Variants in FILIP1 observed in about 807,000 individuals in gnomAD.
The protein encoded by FILIP1 is filamin A interacting protein 1.
Under a neutral mutation model 102.1 loss-of-function variants are expected in FILIP1, and 61 were observed. The ratio of observed to expected loss-of-function variants is 0.60; its 90% CI spans 0.49 to 0.74. FILIP1 has a LOEUF of 0.74. FILIP1 is among the 30% of genes least tolerant of loss of function. The probability of loss-of-function intolerance (pLI) is 0.00; values close to 1 mark genes in which losing one functional copy is unlikely to be tolerated. For synonymous variants in FILIP1, 491 were observed against 526.9 expected (o/e 0.93, Z 0.93); for missense variants, 1,314 against 1,441.2 (o/e 0.91, Z 1.43).
intron 1 of FILIP1, among the ~76,000 whole-genome samples, chr6:75,437,928 G>A (rs1778080099): frequency 6.6e-6 from 1 of 152,162 alleles, no homozygotes; most frequent in Non-Finnish European, 1.5e-5. Context: ...TACGTTATAA[G>A]ATTTCATGAA....
intron 4 of FILIP1, among the ~76,000 whole-genome samples, chr6:75,323,076 A>C (rs1022120456): frequency 6.6e-6 from 1 of 152,238 alleles, no homozygotes; most frequent in African/African-American, 2.4e-5. Context: ...AGACTTTAAA[A>C]GTGTGGGCCC....
intron 1 of FILIP1, among the ~76,000 whole-genome samples, chr6:75,480,085 AT>A (rs552346724): frequency 9.2e-5 from 14 of 151,352 alleles, no homozygotes; most frequent in African/African-American, 2.9e-4. Flanking sequence ...TATGTTTTAA[AT>A]TTTTTTTGTT....
At chr6:75,367,760 A>C (rs929141569) in intron 2 of FILIP1, 2 of 152,222 alleles carry the variant, frequency 1.3e-5, no homozygotes, top group Non-Finnish European at 2.9e-5. Context: ...TTTCAAACAA[A>C]TGATTCAATA....
rs779900343 is a variant in FILIP1 at position 75,308,672 on chromosome 6, A to AC, written c.*18dup. Reference sequence around the variant, plus strand: ...GGCAGCAGTAGCATCTGCACAACATACCCCCTTAGCCACTGCCCTCAGCCC... The same window carrying AC: ...GGCAGCAGTAGCATCTGCACAACATACCCCCCTTAGCCACTGCCCTCAGCCC... On this transcript the variant is annotated 3_prime_UTR_variant, in exon 6 of 6. Coordinates refer to ENST00000237172, the MANE Select transcript of FILIP1 (RefSeq NM_015687.5). The AC allele has an allele frequency of 7.4e-6, 12 of 1,611,758 alleles. No individual in the cohort carries two copies. Among genetic ancestry groups the AC allele is most frequent in the East Asian group, 2.2e-5 (1 of 44,878 alleles).
chr6:75,477,337 A>G (rs1779506404), intron 1 of FILIP1, among the ~76,000 whole-genome samples: 1 of 152,140 alleles, frequency 6.6e-6, no homozygotes, highest in Non-Finnish European at 1.5e-5. Context: ...GTAGACAGGA[A>G]GAATAAGTTT....
chr6:75,451,825 C>T (rs187953970), intron 1 of FILIP1, among the ~76,000 whole-genome samples: 3 of 152,098 alleles, frequency 2.0e-5, no homozygotes, highest in Admixed American at 6.6e-5. Context: ...TGCAGCGAGA[C>T]TCCATCTCAA....
chr6:75,299,666 TA>T (rs553381546), intron 6 of FILIP1, among the ~76,000 whole-genome samples: 3 of 152,158 alleles, frequency 2.0e-5, no homozygotes, highest in Admixed American at 2.0e-4. Flanking sequence ...TTTTTTTCCT[TA>T]AAAAAACTTC....
At chr6:75,450,090 C>G (rs906917418) in intron 1 of FILIP1, among the ~76,000 whole-genome samples, 1 of 152,084 alleles carries the variant, frequency 6.6e-6, no homozygotes, top group Non-Finnish European at 1.5e-5. Context: ...CAGGCGCACA[C>G]CACTGTGCCT....
At chr6:75,294,860 C>T (rs1040889002) in exon 7 of FILIP1, 7 of 130,384 alleles carry the variant, frequency 5.4e-5, no homozygotes, top group Non-Finnish European at 6.4e-5. Context: ...GCCCAGCTAA[C>T]TTCTTTTTTT....
intron 6 of FILIP1, among the ~76,000 whole-genome samples, chr6:75,302,922 G>A (rs1004295878): frequency 6.6e-6 from 1 of 152,158 alleles, no homozygotes; most frequent in Non-Finnish European, 1.5e-5. Flanking sequence ...GAATCCTAGA[G>A]TTTTGAGGCT....
intron 1 of FILIP1, among the ~76,000 whole-genome samples, chr6:75,442,633 A>C (rs975808654): frequency 6.6e-6 from 1 of 152,258 alleles, no homozygotes; most frequent in Non-Finnish European, 1.5e-5. Flanking sequence ...GCGCGCCTGC[A>C]ATCGCAGGCA....
downstream of FILIP1, among the ~76,000 whole-genome samples, chr6:75,307,908 A>G (rs1773039455): frequency 2.0e-5 from 3 of 152,224 alleles, no homozygotes; most frequent in Admixed American, 6.5e-5. Context: ...ATAAAAGGCC[A>G]TTTGGCAGCT....
intron 1 of FILIP1, among the ~76,000 whole-genome samples, chr6:75,435,152 T>G (rs1456313222): frequency 6.6e-6 from 1 of 152,214 alleles, no homozygotes; most frequent in African/African-American, 2.4e-5. Flanking sequence ...ATTCTCTTCT[T>G]TTGTTGTGTC....
intron 4 of FILIP1, among the ~76,000 whole-genome samples, chr6:75,348,902 A>ATAAC (rs1774687737): frequency 6.6e-6 from 1 of 152,330 alleles, no homozygotes; most frequent in South Asian, 2.1e-4. Context: ...TATCTTCATG[A>ATAAC]TAACAGTCAT....
chr6:75,296,475 T>TTTTTATTATTATTATTATTA (rs565379089), intron 6 of FILIP1: 1 of 140,396 alleles, frequency 7.1e-6, no homozygotes, highest in African/African-American at 2.6e-5. Context: ...ACTCTATATG[T>TTTTTATTATTATTATTATTA]TTATTATTAT....
At chr6:75,454,091 A>G (rs2149739283) in intron 1 of FILIP1, 1 of 446,130 alleles carries the variant, frequency 2.2e-6, no homozygotes, top group African/African-American at 2.0e-5. Flanking sequence ...GGGTCTCTCA[A>G]TGATAAAATC....
At chr6:75,417,164 A>C (rs570243399) in intron 1 of FILIP1, among the ~76,000 whole-genome samples, 1 of 152,270 alleles carries the variant, frequency 6.6e-6, no homozygotes, top group South Asian at 2.1e-4. Flanking sequence ...TGGCTGATGG[A>C]AAATTTCATG....
chr6:75,299,960 A>C (rs762280105), intron 6 of FILIP1, among the ~76,000 whole-genome samples: 1 of 152,160 alleles, frequency 6.6e-6, no homozygotes, highest in Non-Finnish European at 1.5e-5. Context: ...CTGAGTGCAG[A>C]GTGAGGCAAC....
intron 4 of FILIP1, among the ~76,000 whole-genome samples, chr6:75,352,637 T>G (rs1774847741): frequency 6.6e-6 from 1 of 152,060 alleles, no homozygotes; most frequent in African/African-American, 2.4e-5. Context: ...CAGCAGGTAG[T>G]TCTAGTCATT....
Sources: gnomAD v4.1 joint callset for allele counts (sites outside exome capture counted in the v4.1 genomes callset) on GRCh38, gnomAD v4.1.1 for gene constraint, MANE v1.5 for transcripts, NCBI Gene and HGNC (gene_info 2026-07-23, HGNC 2026-07-21) for gene names.